The following EVC2 variants were observed in gnomAD, a reference collection of about 807,000 sequenced individuals.
EVC2 encodes the protein EvC ciliary complex subunit 2.
Under a neutral mutation model 149.3 loss-of-function variants are expected in EVC2, and 148 were observed. The observed-to-expected ratio is 0.99, with a 90% CI of 0.87 to 1.14. The LOEUF is 1.14. EVC2 is among the 50% of genes most tolerant of loss of function. EVC2 has a pLI of 0.00. For synonymous variants in EVC2, 776 were observed against 649.9 expected (o/e 1.19, Z -2.95); for missense variants, 1,854 against 1,627.3 (o/e 1.14, Z -2.40).
intron 16 of EVC2, among the ~76,000 whole-genome samples, chr4:5,595,456 T>C (rs1337869308): frequency 6.6e-6 from 1 of 152,132 alleles, no homozygotes; most frequent in African/African-American, 2.4e-5. Flanking sequence ...GAATTTCATA[T>C]CCCGCCAAAC....
intron 19 of EVC2, among the ~76,000 whole-genome samples, chr4:5,571,010 T>A (rs1722611474): frequency 6.6e-6 from 1 of 151,914 alleles, no homozygotes; most frequent in Non-Finnish European, 1.5e-5. Context: ...ATGAGGGGGA[T>A]GAAGGATAAA....
At chr4:5,692,567 T>C (rs867494439) in intron 3 of EVC2, among the ~76,000 whole-genome samples, 1 of 152,164 alleles carries the variant, frequency 6.6e-6, no homozygotes, top group Non-Finnish European at 1.5e-5. Context: ...CCTCTCATTG[T>C]GTAGAAAATT....
At chr4:5,675,671 G>A (rs1719935027) in intron 7 of EVC2, among the ~76,000 whole-genome samples, 1 of 152,132 alleles carries the variant, frequency 6.6e-6, no homozygotes, top group Non-Finnish European at 1.5e-5. Flanking sequence ...GAGCCTGGGT[G>A]CGGTGGCTCA....
intron 16 of EVC2, among the ~76,000 whole-genome samples, chr4:5,603,826 TC>T (rs1347829677): frequency 6.6e-6 from 1 of 152,268 alleles, no homozygotes; most frequent in Non-Finnish European, 1.5e-5. Flanking sequence ...TATGTCATTT[TC>T]ATTTATAATT....
intron 6 of EVC2, among the ~76,000 whole-genome samples, chr4:5,684,459 T>A (rs1228469735): frequency 6.6e-6 from 1 of 152,148 alleles, no homozygotes; most frequent in Non-Finnish European, 1.5e-5. Flanking sequence ...TCATCTTCCA[T>A]GTCCGTGAAT....
At chr4:5,619,073 A>G (rs1482669677) in intron 14 of EVC2, among the ~76,000 whole-genome samples, 1 of 152,172 alleles carries the variant, frequency 6.6e-6, no homozygotes, top group East Asian at 1.9e-4. Context: ...GAGACACACA[A>G]AACTCAGCTC....
At chr4:5,612,473 G>T (rs185287279) in intron 16 of EVC2, among the ~76,000 whole-genome samples, 2 of 152,346 alleles carry the variant, frequency 1.3e-5, no homozygotes, top group East Asian at 3.9e-4. Flanking sequence ...ATCCGTAAGG[G>T]ATTGGAGCTG....
chr4:5,562,653 G>A lies in EVC2; in HGVS notation c.*195C>T, dbSNP rs1722025489. The A allele has an allele frequency of 6.9e-7, 1 of 1,452,360 alleles. No individual in the cohort carries two copies. 90.0% of individuals were successfully genotyped at this position (1,452,360 alleles called of 1,614,324 possible). A position where few individuals can be genotyped will look rare whatever the true frequency, so the allele number is the denominator to read the frequency against. The stretch of plus-strand genomic sequence containing the variant: ...GTGTTTATGTCCTTGTGATATGGAA[G>A]AGAGTGGGCCATCTGGAAATTCATG... On this transcript the variant is annotated 3_prime_UTR_variant, in exon 22 of 22. Transcript: ENST00000344408. The surrounding 1 kb of genome is among the most constrained non-coding windows in gnomAD (Gnocchi z 4.3).
At chr4:5,685,504 C>A in intron 5 of EVC2, 25 bp from the exon 6 acceptor site, 1 of 1,607,968 alleles carries the variant, frequency 6.2e-7, no homozygotes, top group Non-Finnish European at 8.5e-7. Context: ...GCACATGTGA[C>A]TCAGGGAGGG....
chr4:5,653,881 T>C (rs1019152610), intron 9 of EVC2, among the ~76,000 whole-genome samples: 2 of 152,176 alleles, frequency 1.3e-5, no homozygotes, highest in African/African-American at 4.8e-5. Context: ...AGCGCTGAGA[T>C]GCCAAGAATC....
At position 5,618,965 on chromosome 4, in the gene EVC2, A is replaced by G. The variant is rs925026136; in HGVS notation, c.2502-283T>C. Among the ~76,000 whole-genome samples the G allele has an allele frequency of 2.6e-5, 4 of 152,280 alleles. No individual in the cohort carries two copies. Among genetic ancestry groups the G allele is most frequent in the African/African-American group, 7.2e-5 (3 of 41,544 alleles). Reference sequence around the variant, plus strand: ...GCCTTCCAGTGCCCACGACCTTGCAATTAACCTGGTCTCACTTCAGAAACA... The same window carrying G: ...GCCTTCCAGTGCCCACGACCTTGCAGTTAACCTGGTCTCACTTCAGAAACA... On this transcript the variant is annotated intron_variant, in intron 14 of 21. Coordinates refer to ENST00000344408, the MANE Select transcript of EVC2 (RefSeq NM_147127.5). This position sits in a 1 kb window ranked among gnomAD's most constrained non-coding sequence, Gnocchi z 4.4.
rs1256732896 is a variant in EVC2, at chr4:5,576,970, G to A, written c.3058-516C>T. ...GGCACCTGTCACTGCATATGGTGGG[G>A]TATCTGCATGCACCCGGCATGGACG... is the stretch of plus-strand genomic sequence containing the variant. On this transcript the variant is annotated intron_variant, in intron 17 of 21. Coordinates refer to ENST00000344408, the MANE Select transcript of EVC2 (RefSeq NM_147127.5). This position sits in a 1 kb window ranked among gnomAD's most constrained non-coding sequence, Gnocchi z 4.5. Among the ~76,000 whole-genome samples the A allele has an allele frequency of 6.6e-6, 1 of 152,212 alleles. No homozygotes were observed. The highest frequency in any genetic ancestry group is 1.9e-4 in the East Asian group (1 of 5,194).
intron 21 of EVC2, among the ~76,000 whole-genome samples, chr4:5,546,430 C>T (rs1721625340): frequency 1.3e-5 from 2 of 151,960 alleles, no homozygotes; most frequent in Non-Finnish European, 1.5e-5. Context: ...ATGGATGAAA[C>T]TGGAAACCAT....
chr4:5,537,416 A>G, the EVC2 span, among the ~76,000 whole-genome samples: 5 of 152,066 alleles, frequency 3.3e-5, no homozygotes. Flanking sequence ...CCAGCCGGGA[A>G]ATAGTGCTGT....
Position 5,708,393 on chromosome 4 carries a change from G to T in EVC2, c.121C>A (p.Pro41Thr). 1.3e-6 allele frequency: 2 copies of T among 1,496,468 alleles called. No homozygotes were observed. Among genetic ancestry groups the T allele is most frequent in the Admixed American group, 4.3e-5 (2 of 46,320 alleles). The allele number at this position is 1,496,468 out of a possible 1,614,324, so 92.7% of individuals were successfully genotyped here. The change falls in exon 1 of 22, where the codon CCC becomes ACC. Residue 41 changes from proline (P) to threonine (T), a missense_variant. Pro to Thr is a conservative substitution (Grantham distance 38, BLOSUM62 -1). Transcript: ENST00000344408. Reference protein sequence around the residue: ...LGASSRPRWRPLGAQPPRDPQ... With the variant: ...LGASSRPRWRTLGAQPPRDPQ... ...TCCCGGGGTGGCTGCGCGCCGAGGG[G>T]GCGCCAGCGGGGACGTGAGCTGGCG...
chr4:5,635,213 T>C (rs7676133), intron 10 of EVC2, among the ~76,000 whole-genome samples: 2,657 of 151,990 alleles, frequency 0.017, 38 homozygotes, highest in Non-Finnish European at 0.03. Flanking sequence ...ATTTTTGTAT[T>C]TTTAGTAGAG....
At chr4:5,538,703 T>A (rs1721462612), downstream of EVC2, among the ~76,000 whole-genome samples, 1 of 152,124 alleles carries the variant, frequency 6.6e-6, no homozygotes, top group East Asian at 1.9e-4. Flanking sequence ...ATTTACTCTA[T>A]AAAATGATGA....
intron 7 of EVC2, among the ~76,000 whole-genome samples, chr4:5,675,953 C>CA (rs2151718646): frequency 6.6e-6 from 1 of 152,280 alleles, no homozygotes; most frequent in African/African-American, 2.4e-5. Context: ...TTAAGAACAA[C>CA]AAAAACAAAA....
chr4:5,698,901 T>C (rs1216294550), intron 1 of EVC2, among the ~76,000 whole-genome samples: 1 of 152,216 alleles, frequency 6.6e-6, no homozygotes, highest in Non-Finnish European at 1.5e-5. Context: ...GACTAGTCCA[T>C]GTGGCTACTG....
Sources: allele counts gnomAD v4.1 joint callset (sites outside exome capture counted in the v4.1 genomes callset), GRCh38; gene constraint gnomAD v4.1.1; non-coding constraint Gnocchi (gnomAD v3.1); transcripts MANE v1.5; gene names NCBI Gene and HGNC (gene_info 2026-07-23, HGNC 2026-07-21).